Variants in SPATA12 observed in about 807,000 individuals in gnomAD.
SPATA12 encodes the protein spermatogenesis associated 12, also known as spermatogenesis-associated protein 12.
For missense variants in SPATA12, 219 were observed against 226.4 expected (o/e 0.97, Z 0.21); for synonymous variants, 85 against 89.2 (o/e 0.95, Z 0.26).
intron 1 of SPATA12, among the ~76,000 whole-genome samples, chr3:57,067,175 G>C (rs1468215410): frequency 6.6e-6 from 1 of 152,194 alleles, no homozygotes; most frequent in Non-Finnish European, 1.5e-5. Context: ...TTGTCGGCCA[G>C]GCGCGGTGGC....
chr3:57,063,069 C>T lies in SPATA12; in HGVS notation c.-330+2283C>T, dbSNP rs201319860. On this transcript the variant is annotated intron_variant, in intron 1 of 1. Coordinates refer to ENST00000334325, the MANE Select transcript of SPATA12 (RefSeq NM_181727.2). ...GGATGCAGTGGTAACGGTTTAGACA[C>T]GATGACCAGGGAAGGCTGAAGGAAA... Among the ~76,000 whole-genome samples, 22 of 152,158 alleles carry T rather than the reference C, an allele frequency of 1.4e-4. No homozygotes were observed. In the East Asian group the frequency reaches 1.5e-3, roughly 11 times the overall value.
At chr3:57,071,418 T>C (rs1438076374) in intron 1 of SPATA12, among the ~76,000 whole-genome samples, 1 of 152,112 alleles carries the variant, frequency 6.6e-6, no homozygotes, top group African/African-American at 2.4e-5. Context: ...TCCCAGCACT[T>C]TGGGAGGCTA....
chr3:57,061,304 AT>A lies in SPATA12; in HGVS notation c.-330+529del, dbSNP rs530275314. ...GTCAAAAATTCCTTTATTTATTATT[AT>A]TTTTTTTTTTGCAATGGGGTCTGGC... is the stretch of plus-strand genomic sequence containing the variant. On this transcript the variant is annotated intron_variant, in intron 1 of 1. Transcript: ENST00000334325. 5.0e-4 allele frequency among the ~76,000 whole-genome samples: 76 copies of A among 151,368 alleles called. No homozygotes were observed. The South Asian group carries it at 0.015, about 29-fold the overall frequency.
At chr3:57,062,979 A>G (rs896408620) in intron 1 of SPATA12, among the ~76,000 whole-genome samples, 26 of 152,218 alleles carry the variant, frequency 1.7e-4, no homozygotes, top group Non-Finnish European at 2.9e-4. Flanking sequence ...AAATAAGCAA[A>G]ATACACCTTA....
intron 1 of SPATA12, among the ~76,000 whole-genome samples, chr3:57,063,645 G>T (rs923831313): frequency 6.6e-6 from 1 of 152,148 alleles, no homozygotes; most frequent in African/African-American, 2.4e-5. Context: ...GGAGAGTCGG[G>T]CATCCTAGAA....
rs373164985 is a variant in SPATA12, at chr3:57,074,077, A to C, written c.383A>C (p.Gln128Pro). Residue 128 changes from glutamine (Q) to proline (P), a missense_variant, in exon 2 of 2, where the codon CAA (glutamine) becomes CCA (proline). Physicochemically the swap from Gln to Pro is moderately conservative, Grantham distance 76. Coordinates refer to ENST00000334325, the MANE Select transcript of SPATA12 (RefSeq NM_181727.2). ...CEQVIHNSTP[Q>P]FLGMEDGDNE... The stretch of plus-strand genomic sequence containing the variant: ...CAAGTTATTCATAACTCTACACCTC[A>C]ATTTCTTGGTATGGAAGATGGGGAT... The C allele has an allele frequency of 4.3e-6, 7 of 1,613,940 alleles. No individual in the cohort carries two copies. The African/African-American group carries it at 6.7e-5, about 15-fold the overall frequency.
chr3:57,061,169 T>C (rs1705203960), intron 1 of SPATA12, among the ~76,000 whole-genome samples: 1 of 152,180 alleles, frequency 6.6e-6, no homozygotes, highest in African/African-American at 2.4e-5. Flanking sequence ...ACTGTATTAA[T>C]ACTTCTCTCT....
intron 1 of SPATA12, among the ~76,000 whole-genome samples, chr3:57,063,271 C>T (rs1454878981): frequency 7.0e-6 from 1 of 143,344 alleles, no homozygotes; most frequent in Non-Finnish European, 1.5e-5. Context: ...GCAGCCAGAT[C>T]ACATGGGGCC....
intron 1 of SPATA12, among the ~76,000 whole-genome samples, chr3:57,066,974 G>A (rs1266783084): frequency 6.6e-6 from 1 of 152,104 alleles, no homozygotes; most frequent in Non-Finnish European, 1.5e-5. Context: ...AGATAGATGA[G>A]CGATTGATTG....
intron 1 of SPATA12, among the ~76,000 whole-genome samples, chr3:57,065,270 T>C (rs1228319586): frequency 1.3e-5 from 2 of 152,200 alleles, no homozygotes; most frequent in Admixed American, 1.3e-4. Flanking sequence ...GACACCAGCC[T>C]GGCCAACATG....
At chr3:57,062,155 G>A (rs1478252321) in intron 1 of SPATA12, among the ~76,000 whole-genome samples, 1 of 82,858 alleles carries the variant, frequency 1.2e-5, no homozygotes, top group Non-Finnish European at 2.4e-5. Context: ...TTTGTAGGAA[G>A]ATCCCTGGAG....
chr3:57,073,822 A>G lies in SPATA12; in HGVS notation c.128A>G (p.His43Arg), dbSNP rs1331702099. 7 of 1,614,090 alleles carry G rather than the reference A, an allele frequency of 4.3e-6. No individual in the cohort carries two copies. Among genetic ancestry groups the G allele is most frequent in the Non-Finnish European group, 5.1e-6 (6 of 1,180,050 alleles). Residue 43 changes from histidine (H) to arginine (R), a missense_variant, in exon 2 of 2, where the codon CAT (histidine) becomes CGT (arginine). Transcript: ENST00000334325. ...PPRGLGSSTQ[H>R]PNKPHCALAS... ...AGAGGCCTTGGGTCATCCACCCAAC[A>G]TCCCAACAAACCCCACTGTGCACTG...
intron 1 of SPATA12, among the ~76,000 whole-genome samples, chr3:57,067,907 G>A (rs9682642): frequency 0.05 from 7,524 of 151,764 alleles, 617 homozygotes; most frequent in African/African-American, 0.17. Context: ...GGAGAATGGC[G>A]TGAACCTGGG....
At position 57,070,984 on chromosome 3, in the gene SPATA12, A is replaced by AAAAG. The variant is rs199600467; in HGVS notation, c.-329-2366_-329-2363dup. ...AAGACTCTGTCACAAAAAAAAAAAAAAAAGAAAGAAAGAAAGAAAAAAGAA... is the reference window on the plus strand; with the variant it reads ...AAGACTCTGTCACAAAAAAAAAAAAAAAAGAAAGAAAGAAAGAAAGAAAAAAGAA... On this transcript the variant is annotated intron_variant, in intron 1 of 1. Coordinates refer to ENST00000334325, the MANE Select transcript of SPATA12 (RefSeq NM_181727.2). Among the ~76,000 whole-genome samples, 5 of 148,068 alleles carry AAAAG rather than the reference A, an allele frequency of 3.4e-5. No individual in the cohort carries two copies. The South Asian group carries it at 6.3e-4, about 19-fold the overall frequency.
Position 57,074,552 on chromosome 3 carries a change from C to T in SPATA12, c.*285C>T. On this transcript the variant is annotated 3_prime_UTR_variant, in exon 2 of 2. Transcript: ENST00000334325. ...GGGGAACCTTCACTGTATTAAATGA[C>T]ATCAATTGATCAATCAATCGATCAA... 2.5e-6 allele frequency: 1 copy of T among 397,892 alleles called. No homozygotes were observed. Among genetic ancestry groups the T allele is most frequent in the Non-Finnish European group, 4.7e-6 (1 of 212,154 alleles). The allele number at this position is 397,892 out of a possible 1,614,324, so 24.6% of individuals were successfully genotyped here. A position where few individuals can be genotyped will look rare whatever the true frequency, so the allele number is the denominator to read the frequency against.
chr3:57,068,297 A>G (rs548666560), intron 1 of SPATA12, among the ~76,000 whole-genome samples: 1 of 152,322 alleles, frequency 6.6e-6, no homozygotes, highest in East Asian at 1.9e-4. Flanking sequence ...ATTTGGTAGC[A>G]TCATCATTCT....
At chr3:57,069,361 A>G (rs1322873691) in intron 1 of SPATA12, among the ~76,000 whole-genome samples, 2 of 142,322 alleles carry the variant, frequency 1.4e-5, no homozygotes, top group African/African-American at 5.3e-5. Flanking sequence ...AAATAACTCT[A>G]ATCTCTGTCT....
intron 1 of SPATA12, among the ~76,000 whole-genome samples, chr3:57,067,206 C>G (rs1209839697): frequency 6.6e-6 from 1 of 152,080 alleles, no homozygotes; most frequent in Admixed American, 6.6e-5. Context: ...AATCCCAGTA[C>G]TTTGGGAGGC....
chr3:57,068,030 C>T (rs749645297), intron 1 of SPATA12, among the ~76,000 whole-genome samples: 3 of 151,876 alleles, frequency 2.0e-5, no homozygotes, highest in East Asian at 1.9e-4. Flanking sequence ...AAAAATTAGC[C>T]GGTGTGGTGG....
Sources: gnomAD v4.1 joint callset for allele counts (sites outside exome capture counted in the v4.1 genomes callset) on GRCh38, gnomAD v4.1.1 for gene constraint, MANE v1.5 for transcripts, NCBI Gene and HGNC (gene_info 2026-07-23, HGNC 2026-07-21) for gene names.